Variants in SCN10A observed in about 807,000 individuals in gnomAD.
SCN10A encodes the protein sodium voltage-gated channel alpha subunit 10, also known as sodium channel protein type 10 subunit alpha.
SCN10A carries 162 observed loss-of-function variants against 170.7 expected under a neutral mutation model. That is an observed-to-expected ratio of 0.95 (90% CI 0.84 to 1.08). The LOEUF (loss-of-function observed/expected upper bound fraction) is 1.08, where lower values mean the gene tolerates loss of function less well. Ranked by LOEUF, SCN10A falls within the 50% of genes least tolerant of loss-of-function variation. The pLI, the probability that SCN10A is intolerant of heterozygous loss-of-function variation, is 0.00. For synonymous variants in SCN10A, 985 were observed against 904.6 expected (o/e 1.09, Z -1.59); for missense variants, 2,527 against 2,436.9 (o/e 1.04, Z -0.78).
At position 38,755,927 on chromosome 3, in the gene SCN10A, G is replaced by C; in HGVS notation, c.1322C>G (p.Ser441Cys). ...VLAALGIDTT[S>C]LHSHNGSPLT... The stretch of plus-strand genomic sequence containing the variant: ...AGGTGATCCATTGTGGGAGTGGAGA[G>C]AGGTTGTGTCAATCCCTAGTGCTGC... Residue 441 changes from serine (S) to cysteine (C), a missense_variant, in exon 11 of 28, where the codon TCT (serine) becomes TGT (cysteine). By Grantham distance (112) the Ser-to-Cys change is moderately radical. Transcript: ENST00000449082. 3 of 1,614,240 alleles carry C rather than the reference G, an allele frequency of 1.9e-6. No homozygotes were observed. Among genetic ancestry groups the C allele is most frequent in the Non-Finnish European group, 2.5e-6 (3 of 1,180,044 alleles).
intron 16 of SCN10A, 101 bp from the exon 17 acceptor site, chr3:38,727,153 G>C (rs1019089148): frequency 1.8e-6 from 2 of 1,104,724 alleles, no homozygotes; most frequent in African/African-American, 3.1e-5. Flanking sequence ...CCACGGCCTG[G>C]GCCTCTTCCT....
At position 38,714,013 on chromosome 3, in the gene SCN10A, C is replaced by A. The variant is rs774893568; in HGVS notation, c.3749G>T (p.Arg1250Leu). The change falls in exon 22 of 28, where the codon CGA becomes CTA. Residue 1250 changes from arginine (R) to leucine (L), a missense_variant. Physicochemically the swap from Arg to Leu is moderately radical, Grantham distance 102. Transcript: ENST00000449082. ...YSEVAPIKAL[R>L]TLRALRPLRA... The stretch of plus-strand genomic sequence containing the variant: ...CAGTGGCCGCAGAGCGCGAAGGGTT[C>A]GAAGGGCTTTGATGGGAGCCACTTC... 1.2e-6 allele frequency: 2 copies of A among 1,613,980 alleles called. No individual in the cohort carries two copies. Among genetic ancestry groups the A allele is most frequent in the Non-Finnish European group, 1.7e-6 (2 of 1,180,046 alleles).
chr3:38,797,006 A>G (rs898044607), intron 1 of SCN10A, among the ~76,000 whole-genome samples: 53 of 152,112 alleles, frequency 3.5e-4, no homozygotes, highest in Non-Finnish European at 3.2e-4. Context: ...CTGAAAAACT[A>G]AAGAACATTT....
Position 38,763,568 on chromosome 3 carries a change from C to T in SCN10A, c.628G>A (p.Gly210Arg). ...CTGAATGTCCGCAGGCCTGAGATCC[C>T]ACGGAGATCTATTGCTGTGCCAACA... Reference protein sequence around the residue: ...AYVGTAIDLRGISGLRTFRVL... With the variant: ...AYVGTAIDLRRISGLRTFRVL... Residue 210 changes from glycine to arginine, a missense_variant, in exon 6 of 28, where the codon GGG becomes AGG. Gly to Arg is a moderately radical substitution (Grantham distance 125, BLOSUM62 -2). Coordinates refer to ENST00000449082, the MANE Select transcript of SCN10A (RefSeq NM_006514.4). 1.2e-6 allele frequency: 2 copies of T among 1,614,044 alleles called. No homozygotes were observed. The highest frequency in any genetic ancestry group is 1.7e-6 in the Non-Finnish European group (2 of 1,179,956).
intron 1 of SCN10A, among the ~76,000 whole-genome samples, chr3:38,808,033 CA>C (rs1559473509): frequency 6.6e-6 from 1 of 152,208 alleles, no homozygotes; most frequent in African/African-American, 2.4e-5. Flanking sequence ...AAAGGCTTCT[CA>C]ACCTCTTTGG....
chr3:38,802,896 C>T (rs186111649), intron 1 of SCN10A, among the ~76,000 whole-genome samples: 216 of 152,250 alleles, frequency 1.4e-3, no homozygotes, highest in African/African-American at 4.5e-3. Flanking sequence ...TTGCAATCTA[C>T]TCATCTGATA....
At chr3:38,709,455 A>G (rs1425944494) in intron 25 of SCN10A, 23 bp downstream of exon 25, 7 of 1,591,846 alleles carry the variant, frequency 4.4e-6, no homozygotes, top group Non-Finnish European at 6.0e-6. Context: ...AGCAGAAACC[A>G]GAAACTCCTG....
intron 5 of SCN10A, among the ~76,000 whole-genome samples, chr3:38,769,396 A>G (rs1468228562): frequency 9.9e-5 from 15 of 151,870 alleles, no homozygotes; most frequent in Non-Finnish European, 4.4e-5. Flanking sequence ...GCACCACCAC[A>G]TCTAGCTAAT....
chr3:38,712,752 A>G (rs564376248), intron 22 of SCN10A, among the ~76,000 whole-genome samples: 150 of 152,376 alleles, frequency 9.8e-4, no homozygotes, highest in African/African-American at 3.4e-3. Flanking sequence ...TTGCACATAC[A>G]GACTTCTAGA....
chr3:38,697,903 CAGAG>C lies in SCN10A; in HGVS notation c.5313_5316del (p.Ser1772ValfsTer3), dbSNP rs1433939057. On this transcript the variant is annotated frameshift_variant, in exon 28 of 28. Transcript: ENST00000449082. LOFTEE classifies it high-confidence loss of function. ...TTGGGTTTTGGGATTCTCAGGGGAC[CAGAG>C]AGAGTGTCTGCAAAGTCCGAGAGAG... 6.2e-7 allele frequency: 1 copy of C among 1,613,900 alleles called. No homozygotes were observed. Among genetic ancestry groups the C allele is most frequent in the Non-Finnish European group, 8.5e-7 (1 of 1,180,036 alleles).
chr3:38,707,422 C>A (rs775186985), intron 25 of SCN10A, 39 bp from the exon 26 acceptor site: 3 of 1,604,294 alleles, frequency 1.9e-6, no homozygotes, highest in East Asian at 2.2e-5. Context: ...GCAAGAGGAA[C>A]CCCCTACGGA....
At position 38,698,487 on chromosome 3, in the gene SCN10A, G is replaced by A; in HGVS notation, c.4733C>T (p.Ala1578Val). 6.2e-7 allele frequency: 1 copy of A among 1,614,208 alleles called. No homozygotes were observed. The change falls in exon 28 of 28, where the codon GCC becomes GTC. Residue 1578 changes from alanine to valine, a missense_variant. Transcript: ENST00000449082. Reference sequence around the variant, plus strand: ...CAGTCTGAGGATGCGGCCAATTCGGGCCAGGCGGATGACTCTGAAGAGCGT... The same window carrying A: ...CAGTCTGAGGATGCGGCCAATTCGGACCAGGCGGATGACTCTGAAGAGCGT... ...SPTLFRVIRL[A>V]RIGRILRLIR...
chr3:38,796,778 A>G lies in SCN10A; in HGVS notation c.-32-2736T>C, dbSNP rs1324304661. The stretch of plus-strand genomic sequence containing the variant: ...AAGTCTATGTTAGGATTCCTGTTTC[A>G]TGTTCCCATAACTCTCTGCACTTTC... On this transcript the variant is annotated intron_variant, in intron 1 of 27. Transcript: ENST00000449082. Among the ~76,000 whole-genome samples the G allele has an allele frequency of 3.3e-5, 5 of 151,992 alleles. No individual in the cohort carries two copies. In the East Asian group the frequency reaches 9.7e-4, roughly 29 times the overall value.
intron 15 of SCN10A, among the ~76,000 whole-genome samples, chr3:38,730,470 AAAAC>A (rs1283791894): frequency 1.3e-5 from 2 of 152,356 alleles, no homozygotes; most frequent in Non-Finnish European, 2.9e-5. Context: ...TTGCAGTAAA[AAAAC>A]AAACAAAAAC....
intron 18 of SCN10A, 97 bp downstream of exon 18, chr3:38,725,077 G>T: frequency 2.5e-6 from 3 of 1,217,814 alleles, no homozygotes; most frequent in Non-Finnish European, 3.4e-6. Context: ...GTGCAGTCTG[G>T]AATACCCCAC....
At chr3:38,718,554 C>T in intron 21 of SCN10A, 99 bp downstream of exon 21, 1 of 1,256,506 alleles carries the variant, frequency 8.0e-7, no homozygotes, top group Non-Finnish European at 1.1e-6. Flanking sequence ...TTTGGAGTAG[C>T]CCTTGAGGGC....
intron 1 of SCN10A, among the ~76,000 whole-genome samples, chr3:38,807,830 A>C (rs996947868): frequency 6.6e-6 from 1 of 152,120 alleles, no homozygotes; most frequent in African/African-American, 2.4e-5. Context: ...ATAAACATGT[A>C]GACTCTCCCT....
Position 38,810,310 on chromosome 3 carries a change from C to A in SCN10A, c.-33+5727G>T, listed in dbSNP as rs2064432010. On this transcript the variant is annotated intron_variant, in intron 1 of 27. Coordinates refer to ENST00000449082, the MANE Select transcript of SCN10A (RefSeq NM_006514.4). ...AGCACTGTGAACATTATGTAAATGC[C>A]AACCAGTATAACGCAGCCCTTCAGT... Among the ~76,000 whole-genome samples the A allele has an allele frequency of 2.6e-5, 4 of 152,098 alleles. No homozygotes were observed. The South Asian group carries it at 8.3e-4, about 32-fold the overall frequency.
chr3:38,703,062 A>G (rs1488490685), intron 26 of SCN10A, among the ~76,000 whole-genome samples: 1 of 151,990 alleles, frequency 6.6e-6, no homozygotes, highest in Non-Finnish European at 1.5e-5. Context: ...TACCCCATGT[A>G]CCTCAGGGGT....
Sources: gnomAD v4.1 joint callset for allele counts (sites outside exome capture counted in the v4.1 genomes callset) on GRCh38, gnomAD v4.1.1 for gene constraint, MANE v1.5 for transcripts, NCBI Gene and HGNC (gene_info 2026-07-23, HGNC 2026-07-21) for gene names.